The following FOXN3 variants were observed in gnomAD, a reference collection of about 807,000 sequenced individuals.
FOXN3 encodes the protein forkhead box N3, also known as forkhead box protein N3.
A neutral mutation model predicts 38.4 loss-of-function variants in FOXN3; 7 were observed. That is an observed-to-expected ratio of 0.18 (90% CI 0.10 to 0.34). FOXN3 has a LOEUF of 0.34. Among genes scored for constraint, FOXN3 ranks in the 10% least tolerant of loss-of-function variants. The probability of loss-of-function intolerance (pLI) is 1.00; values close to 1 mark genes in which losing one functional copy is unlikely to be tolerated. For synonymous variants in FOXN3, 230 were observed against 242.2 expected (o/e 0.95, Z 0.47); for missense variants, 456 against 613.4 (o/e 0.74, Z 2.71).
Position 89,280,950 on chromosome 14 carries a change from C to G in FOXN3, c.745G>C (p.Val249Leu). ...GGAAGGGGTGTTACTAGGGACCTAC[C>G]TTGGAGAAGGGCTCCATTTCTCTTG... ...FFKRNGALLQ[V>L]PPGVIQNGAR... Residue 249 changes from valine to leucine, a missense_variant and splice_region_variant, in exon 4 of 6, where the codon GTT (valine) becomes CTT (leucine). By Grantham distance (32) the Val-to-Leu change is conservative. Around this residue, in one of 3 missense-constraint regions of FOXN3, gnomAD observed 386 missense variants for 505.2 expected, o/e 0.76. Transcript: ENST00000557258. 1 of 1,613,542 alleles carries G rather than the reference C, an allele frequency of 6.2e-7. No homozygotes were observed. Among genetic ancestry groups the G allele is most frequent in the Non-Finnish European group, 8.5e-7 (1 of 1,179,734 alleles).
chr14:89,304,218 C>T (rs193266674), intron 3 of FOXN3, among the ~76,000 whole-genome samples: 25 of 152,102 alleles, frequency 1.6e-4, no homozygotes, highest in African/African-American at 5.8e-4. Flanking sequence ...TAGTTCAGCT[C>T]GTAGTAAAAA....
intron 3 of FOXN3, among the ~76,000 whole-genome samples, chr14:89,340,790 G>A (rs1315212142): frequency 6.6e-6 from 1 of 151,944 alleles, no homozygotes; most frequent in South Asian, 2.1e-4. Context: ...TTATTCACAC[G>A]GAAGGAAATG....
chr14:89,498,738 C>T (rs1208244869), intron 1 of FOXN3, among the ~76,000 whole-genome samples: 5 of 149,258 alleles, frequency 3.3e-5, no homozygotes, highest in Non-Finnish European at 5.9e-5. Flanking sequence ...GGTGTTCATG[C>T]AGCCACAGAG....
chr14:89,613,776 T>C (rs1436964499), intron 1 of FOXN3, among the ~76,000 whole-genome samples: 1 of 152,196 alleles, frequency 6.6e-6, no homozygotes. Context: ...TCCTTTCTAC[T>C]TCTATAGACT....
intron 1 of FOXN3, among the ~76,000 whole-genome samples, chr14:89,514,018 C>G (rs755075150): frequency 1.3e-5 from 2 of 152,118 alleles, no homozygotes; most frequent in African/African-American, 4.8e-5. Flanking sequence ...GAAGAGACAT[C>G]GCTGTCTTTG....
intron 2 of FOXN3, among the ~76,000 whole-genome samples, chr14:89,373,648 T>C (rs886068009): frequency 5.3e-5 from 8 of 152,308 alleles, no homozygotes; most frequent in Admixed American, 2.0e-4. Flanking sequence ...GTCTCTGTGT[T>C]TGCTCATGAC....
At chr14:89,248,512 G>GA (rs1026661707) in intron 4 of FOXN3, among the ~76,000 whole-genome samples, 1 of 152,258 alleles carries the variant, frequency 6.6e-6, no homozygotes, top group African/African-American at 2.4e-5. Flanking sequence ...CAGAGACCCT[G>GA]AAAATGTAAA....
At chr14:89,473,194 T>G (rs945856656) in intron 1 of FOXN3, among the ~76,000 whole-genome samples, 1 of 151,304 alleles carries the variant, frequency 6.6e-6, no homozygotes, top group African/African-American at 2.4e-5. Flanking sequence ...CTGGCTAATT[T>G]TTTGTATTTT....
At chr14:89,267,801 A>G (rs1318558138) in intron 4 of FOXN3, among the ~76,000 whole-genome samples, 1 of 152,184 alleles carries the variant, frequency 6.6e-6, no homozygotes, top group East Asian at 1.9e-4. Context: ...CGATCAGAGT[A>G]TGCGTGCGTG....
chr14:89,283,789 G>A (rs923471578), intron 3 of FOXN3, among the ~76,000 whole-genome samples: 6 of 152,154 alleles, frequency 3.9e-5, no homozygotes, highest in Admixed American at 3.3e-4. Context: ...ACCATTTACT[G>A]AGCATAGTAA....
At chr14:89,194,984 A>T (rs1390102612) in intron 4 of FOXN3, among the ~76,000 whole-genome samples, 1 of 152,182 alleles carries the variant, frequency 6.6e-6, no homozygotes, top group Non-Finnish European at 1.5e-5. Flanking sequence ...TCAGCCTTTT[A>T]TATTAGTATA....
At chr14:89,322,984 T>C (rs1210412850) in intron 3 of FOXN3, among the ~76,000 whole-genome samples, 1 of 152,074 alleles carries the variant, frequency 6.6e-6, no homozygotes, top group Non-Finnish European at 1.5e-5. Context: ...TTAAAGGCAA[T>C]GGCAATAAAG....
chr14:89,365,598 C>T (rs1035460270), intron 2 of FOXN3, among the ~76,000 whole-genome samples: 2 of 152,148 alleles, frequency 1.3e-5, no homozygotes, highest in Admixed American at 1.3e-4. Context: ...CTTGGGAGGG[C>T]CTTTAGCAAA....
At chr14:89,467,800 C>CTTTCTTTTTTT (rs1383456566) in intron 1 of FOXN3, among the ~76,000 whole-genome samples, 9 of 57,898 alleles carry the variant, frequency 1.6e-4, no homozygotes, top group African/African-American at 4.3e-4. Context: ...TCTTTTCTTT[C>CTTTCTTTTTTT]TTTGTTTTTT....
chr14:89,409,553 G>A (rs10484021), intron 2 of FOXN3: 2 of 152,152 alleles, frequency 1.3e-5, no homozygotes, highest in African/African-American at 2.4e-5. Context: ...TGTCAAACAC[G>A]AAGATTCAAG....
chr14:89,594,135 G>T (rs73315248), intron 1 of FOXN3, among the ~76,000 whole-genome samples: 3,406 of 152,298 alleles, frequency 0.022, 127 homozygotes, highest in African/African-American at 0.077. Context: ...GTGGATTCCA[G>T]TTTTGAGCTT....
intron 1 of FOXN3, among the ~76,000 whole-genome samples, chr14:89,489,305 T>C (rs78025760): frequency 2.6e-5 from 4 of 152,354 alleles, no homozygotes; most frequent in East Asian, 1.9e-4. Flanking sequence ...TGCCATACTA[T>C]ATAGAGGTAT....
At chr14:89,445,419 T>C (rs1190884458) in intron 1 of FOXN3, among the ~76,000 whole-genome samples, 1 of 152,206 alleles carries the variant, frequency 6.6e-6, no homozygotes, top group African/African-American at 2.4e-5. Context: ...TTAGGCCAGG[T>C]ACACCAATCA....
Position 89,273,348 on chromosome 14 carries a change from T to A in FOXN3, c.745+7602A>T, listed in dbSNP as rs115828545. The stretch of plus-strand genomic sequence containing the variant: ...TGGAGGAAGCTCTTAATAAAGGCCC[T>A]CGATTTCCTGACTTCTCTGTTTCTG... On this transcript the variant is annotated intron_variant, in intron 4 of 5. Transcript: ENST00000557258. Among the ~76,000 whole-genome samples, 657 of 152,332 alleles carry A rather than the reference T, an allele frequency of 4.3e-3. 5 individuals are homozygous for A. The highest frequency in any genetic ancestry group is 0.015 in the African/African-American group (630 of 41,562).
Sources: allele counts gnomAD v4.1 joint callset (sites outside exome capture counted in the v4.1 genomes callset), GRCh38; gene constraint gnomAD v4.1.1; regional missense constraint gnomAD v4.1.1; transcripts MANE v1.5; gene names NCBI Gene and HGNC (gene_info 2026-07-23, HGNC 2026-07-21).